LRFN2: variants seen among roughly 807,000 people sequenced by gnomAD.
LRFN2 encodes leucine-rich repeat and fibronectin type-III domain-containing protein 2.
A neutral mutation model predicts 37.3 loss-of-function variants in LRFN2; 18 were observed. That is an observed-to-expected ratio of 0.48 (90% confidence interval 0.33 to 0.72). The LOEUF is 0.72. Ranked by LOEUF, LRFN2 falls within the 30% of genes least tolerant of loss-of-function variation. The pLI is 0.02. For missense variants in LRFN2, 1,006 were observed against 1,060.7 expected, an observed-to-expected ratio of 0.95 and a Z score of 0.72; for synonymous variants, 556 against 466.6, an observed-to-expected ratio of 1.19 and a Z score of -2.47.
At chr6:40,533,865 G>A (rs1196180968) in intron 1 of LRFN2, among the ~76,000 whole-genome samples, 1 of 152,190 alleles carries the variant, frequency 6.6e-6, no homozygotes, top group Non-Finnish European at 1.5e-5. Context: ...GTGGAGGCTG[G>A]AGCAGCGTGG....
intron 2 of LRFN2, among the ~76,000 whole-genome samples, chr6:40,413,660 T>A (rs1331221705): frequency 6.6e-6 from 1 of 152,080 alleles, no homozygotes; most frequent in East Asian, 1.9e-4. Context: ...AAGGCATGCA[T>A]CAGCCTGCCT....
At chr6:40,562,150 G>A (rs1767005833) in intron 1 of LRFN2, among the ~76,000 whole-genome samples, 1 of 152,206 alleles carries the variant, frequency 6.6e-6, no homozygotes, top group African/African-American at 2.4e-5. Context: ...ATAAGAGGCA[G>A]ATGAGGGGTA....
intron 1 of LRFN2, among the ~76,000 whole-genome samples, chr6:40,499,994 T>C (rs1281483113): frequency 1.3e-5 from 2 of 152,236 alleles, no homozygotes; most frequent in African/African-American, 4.8e-5. Flanking sequence ...CTAATAACCC[T>C]TAGAAGATGG....
At chr6:40,550,318 T>G (rs1766747918) in intron 1 of LRFN2, among the ~76,000 whole-genome samples, 2 of 152,184 alleles carry the variant, frequency 1.3e-5, no homozygotes, top group African/African-American at 4.8e-5. Flanking sequence ...GCTGCAGTTA[T>G]TGGCACATGA....
chr6:40,411,002 T>C (rs1002119731), intron 2 of LRFN2, among the ~76,000 whole-genome samples: 3 of 152,212 alleles, frequency 2.0e-5, no homozygotes, highest in Admixed American at 6.5e-5. Flanking sequence ...GAGCCATTAA[T>C]TGCACACCAG....
intron 1 of LRFN2, among the ~76,000 whole-genome samples, chr6:40,547,263 C>A (rs1431650013): frequency 6.6e-6 from 1 of 152,064 alleles, no homozygotes; most frequent in Non-Finnish European, 1.5e-5. Flanking sequence ...TGCCACCACA[C>A]CTGGCTAATT....
chr6:40,467,207 A>ATGATGATG (rs1491425091), intron 1 of LRFN2, among the ~76,000 whole-genome samples: 8 of 74,142 alleles, frequency 1.1e-4, no homozygotes, highest in African/African-American at 3.0e-4. Flanking sequence ...GATGATGATG[A>ATGATGATG]TGTGTGTGTG....
At chr6:40,396,667 G>A (rs1022201240) in intron 2 of LRFN2, among the ~76,000 whole-genome samples, 1 of 151,254 alleles carries the variant, frequency 6.6e-6, no homozygotes, top group South Asian at 2.1e-4. Context: ...GGCGGAAGGC[G>A]GCTCCTGATT....
intron 2 of LRFN2, among the ~76,000 whole-genome samples, chr6:40,394,526 G>T (rs1330418530): frequency 3.9e-5 from 6 of 152,156 alleles, no homozygotes; most frequent in African/African-American, 1.4e-4. Flanking sequence ...GACTGGAACT[G>T]ACAGACAGAT....
rs189366968 is a variant in LRFN2, at chr6:40,571,529, G to T, written c.-19+15412C>A. 1.6e-3 allele frequency among the ~76,000 whole-genome samples: 240 copies of T among 152,314 alleles called. 1 individual carries two copies. Among genetic ancestry groups the T allele is most frequent in the African/African-American group, 5.3e-3 (219 of 41,568 alleles). ...CCCATAAGGCAGGGCAATGGGGAGG[G>T]AGGGAGCTGAAACCCAGAGTCCTCC... is the stretch of plus-strand genomic sequence containing the variant. On this transcript the variant is annotated intron_variant, in intron 1 of 2. Coordinates refer to ENST00000338305, the MANE Select transcript of LRFN2 (RefSeq NM_020737.3).
intron 1 of LRFN2, among the ~76,000 whole-genome samples, chr6:40,555,642 A>G (rs1766861460): frequency 1.3e-5 from 2 of 151,948 alleles, no homozygotes; most frequent in Non-Finnish European, 2.9e-5. Flanking sequence ...GCATTCACCA[A>G]CTTTCTTTGA....
chr6:40,571,646 G>A (rs1166048134), intron 1 of LRFN2, among the ~76,000 whole-genome samples: 1 of 152,214 alleles, frequency 6.6e-6, no homozygotes, highest in African/African-American at 2.4e-5. Flanking sequence ...ATGTGGGTCT[G>A]CACTTCTGAC....
chr6:40,392,434 G>C lies in LRFN2; in HGVS notation c.1879C>G (p.Leu627Val). ...RASDSSSSSSLGSGEAAGLGR... is the reference protein window; with the variant it reads ...RASDSSSSSSVGSGEAAGLGR... ...AGCCCCGCAGCCTCCCCACTGCCCA[G>C]GGAGCTGGAGGAAGAGGAGTCACTG... Residue 627 changes from leucine (L) to valine (V), a missense_variant, in exon 3 of 3, where the codon CTG (leucine) becomes GTG (valine). This residue lies in a region of LRFN2 where 398 missense variants were observed against 327.6 expected (regional missense o/e 1.21). Transcript: ENST00000338305. This position sits in a 1 kb window ranked among gnomAD's most constrained non-coding sequence, Gnocchi z 4.7. The C allele has an allele frequency of 6.4e-7, 1 of 1,566,710 alleles. No individual in the cohort carries two copies. Among genetic ancestry groups the C allele is most frequent in the Non-Finnish European group, 8.7e-7 (1 of 1,155,708 alleles).
chr6:40,435,205 G>A (rs1015106379), intron 1 of LRFN2, among the ~76,000 whole-genome samples: 2 of 149,364 alleles, frequency 1.3e-5, no homozygotes, highest in Non-Finnish European at 3.0e-5. Flanking sequence ...CTGTCACCCA[G>A]GCTGGAGTGC....
At chr6:40,533,126 TTCTC>T (rs1459894703) in intron 1 of LRFN2, among the ~76,000 whole-genome samples, 1 of 152,066 alleles carries the variant, frequency 6.6e-6, no homozygotes, top group East Asian at 1.9e-4. Context: ...TTGTTTTGTT[TTCTC>T]TCTGTCTGTC....
At chr6:40,586,722 C>A (rs1052315640) in intron 1 of LRFN2, among the ~76,000 whole-genome samples, 12 of 152,162 alleles carry the variant, frequency 7.9e-5, no homozygotes, top group South Asian at 2.1e-4. Flanking sequence ...TTCACCCCCA[C>A]TGTAGGAAAT....
intron 1 of LRFN2, among the ~76,000 whole-genome samples, chr6:40,499,176 C>T (rs1765310233): frequency 6.6e-6 from 1 of 152,180 alleles, no homozygotes; most frequent in Non-Finnish European, 1.5e-5. Flanking sequence ...CGTTCAACAT[C>T]ACATCATCTC....
At chr6:40,537,180 T>G (rs1329234249) in intron 1 of LRFN2, among the ~76,000 whole-genome samples, 1 of 152,158 alleles carries the variant, frequency 6.6e-6, no homozygotes, top group African/African-American at 2.4e-5. Flanking sequence ...ATTGCCAGAA[T>G]AGCTTCCAGC....
intron 1 of LRFN2, among the ~76,000 whole-genome samples, chr6:40,584,329 G>A (rs1463110872): frequency 6.6e-6 from 1 of 152,100 alleles, no homozygotes; most frequent in African/African-American, 2.4e-5. Flanking sequence ...ATTTTACCAG[G>A]TCAAAACACA....
Sources: allele counts gnomAD v4.1 joint callset (sites outside exome capture counted in the v4.1 genomes callset), GRCh38; gene constraint gnomAD v4.1.1; regional missense constraint gnomAD v4.1.1; non-coding constraint Gnocchi (gnomAD v3.1); transcripts MANE v1.5; gene names NCBI Gene and HGNC (gene_info 2026-07-23, HGNC 2026-07-21).